FAM156A: variants seen among roughly 807,000 people sequenced by gnomAD.
FAM156A encodes protein FAM156A/FAM156B.
chrX:52,994,245 A>G (rs980785950), intron 1 of FAM156A, among the ~76,000 whole-genome samples: 1 of 109,615 alleles, frequency 9.1e-6, no homozygotes, highest in African/African-American at 3.3e-5. Context: ...CAGACCCCCA[A>G]ACAGAACAGA....
chrX:52,987,231 G>A (rs1346929093), intron 1 of FAM156A, among the ~76,000 whole-genome samples: 2 of 111,885 alleles, frequency 1.8e-5, no homozygotes, highest in African/African-American at 6.5e-5. Flanking sequence ...ATGGATTACA[G>A]ACTCATTATA....
At chrX:52,980,209 G>C (rs1487586770) in intron 1 of FAM156A, among the ~76,000 whole-genome samples, 12 of 112,095 alleles carry the variant, frequency 1.1e-4, no homozygotes, top group Admixed American at 8.5e-4. Flanking sequence ...CATCACTGCA[G>C]GGCATTCCAT....
intron 1 of FAM156A, among the ~76,000 whole-genome samples, chrX:52,980,455 G>C (rs868944517): frequency 1.8e-5 from 2 of 109,517 alleles, no homozygotes; most frequent in African/African-American, 6.5e-5. Flanking sequence ...CTTTGCAGGT[G>C]TATTTCCCTC....
intron 1 of FAM156A, among the ~76,000 whole-genome samples, chrX:52,993,898 C>T (rs1556796123): frequency 9.0e-6 from 1 of 111,299 alleles, no homozygotes; most frequent in South Asian, 3.8e-4. Flanking sequence ...GAGTGGGGCC[C>T]TTTACACACA....
At chrX:52,975,419 G>A (rs1303048399) in intron 1 of FAM156A, among the ~76,000 whole-genome samples, 2 of 111,739 alleles carry the variant, frequency 1.8e-5, no homozygotes, top group African/African-American at 6.5e-5. Context: ...AACGGAGCAC[G>A]CCATTGTCTT....
intron 1 of FAM156A, among the ~76,000 whole-genome samples, chrX:52,989,466 C>T (rs782669294): frequency 8.9e-6 from 1 of 112,096 alleles, no homozygotes; most frequent in Non-Finnish European, 1.9e-5. Context: ...ATGAGCATCC[C>T]CTGCATGTTG....
At chrX:52,980,988 A>G (rs1021728162) in intron 1 of FAM156A, among the ~76,000 whole-genome samples, 4 of 108,086 alleles carry the variant, frequency 3.7e-5, no homozygotes, top group African/African-American at 1.3e-4. Context: ...TTTTTTCTTC[A>G]TGGGGGGATC....
chrX:52,984,719 A>C (rs1490421542), intron 1 of FAM156A, among the ~76,000 whole-genome samples: 2 of 110,851 alleles, frequency 1.8e-5, no homozygotes, highest in African/African-American at 6.6e-5. Context: ...AAATACAAAA[A>C]TTAGCCAGGT....
At chrX:52,991,583 A>T (rs1930776306) in intron 1 of FAM156A, among the ~76,000 whole-genome samples, 1 of 111,596 alleles carries the variant, frequency 9.0e-6, no homozygotes, top group Non-Finnish European at 1.9e-5. Context: ...GTGATATAAA[A>T]GGCATCACTC....
At chrX:52,987,238 T>C (rs1347872610) in intron 1 of FAM156A, among the ~76,000 whole-genome samples, 1 of 111,989 alleles carries the variant, frequency 8.9e-6, no homozygotes, top group African/African-American at 3.2e-5. Context: ...ACAGACTCAT[T>C]ATAGGAATGA....
chrX:52,991,452 C>G (rs1475514740), intron 1 of FAM156A, among the ~76,000 whole-genome samples: 1 of 111,490 alleles, frequency 9.0e-6, no homozygotes, highest in Non-Finnish European at 1.9e-5. Context: ...CTTCCTCCAT[C>G]GGTTCACTGA....
intron 1 of FAM156A, among the ~76,000 whole-genome samples, chrX:52,985,920 A>T (rs782611741): frequency 1.0e-3 from 115 of 110,363 alleles, no homozygotes; most frequent in Admixed American, 4.0e-3. Flanking sequence ...TACTAAAAAA[A>T]AATAATAATA....
intron 1 of FAM156A, among the ~76,000 whole-genome samples, chrX:52,993,096 G>A (rs1556795932): frequency 9.0e-6 from 1 of 111,495 alleles, no homozygotes; most frequent in African/African-American, 3.3e-5. Context: ...CTCAGGTTGT[G>A]GGAGAAATAG....
At position 52,981,823 on chromosome X, in the gene FAM156A, GC is replaced by G. The variant is rs782209020; in HGVS notation, c.-434+13482del. ...GAAATTTAGGAAGGCTGAATGAGGA[GC>G]TTTTTTTTTTTTTCAGGAAAAGGGG... On this transcript the variant is annotated intron_variant, in intron 1 of 4. Coordinates refer to the FAM156A transcript ENST00000610625. Among the ~76,000 whole-genome samples, 7 of 109,349 alleles carry G rather than the reference GC, an allele frequency of 6.4e-5. No homozygotes were observed. In the East Asian group the frequency reaches 2.0e-3, roughly 32 times the overall value. 95.0% of individuals were successfully genotyped at this position (109,349 alleles called of 115,157 possible). A position where few individuals can be genotyped will look rare whatever the true frequency, so the allele number is the denominator to read the frequency against.
chrX:52,977,105 C>A (rs868993835), intron 1 of FAM156A, among the ~76,000 whole-genome samples: 1 of 97,630 alleles, frequency 1.0e-5, no homozygotes, highest in African/African-American at 3.7e-5. Context: ...CACACACACA[C>A]ATATATATAT....
At chrX:52,977,908 T>C (rs1469063502) in intron 1 of FAM156A, among the ~76,000 whole-genome samples, 1 of 112,348 alleles carries the variant, frequency 8.9e-6, no homozygotes, top group African/African-American at 3.2e-5. Flanking sequence ...ATAGAACTAA[T>C]AGCAATAGAA....
chrX:52,986,815 C>T (rs1453986983), intron 1 of FAM156A, among the ~76,000 whole-genome samples: 4 of 111,369 alleles, frequency 3.6e-5, no homozygotes, highest in African/African-American at 1.3e-4. Flanking sequence ...TCATTCTCAC[C>T]CCTGTTATTC....
intron 1 of FAM156A, among the ~76,000 whole-genome samples, chrX:52,993,732 G>A (rs1426174271): frequency 9.0e-6 from 1 of 111,367 alleles, no homozygotes; most frequent in African/African-American, 3.3e-5. Context: ...AACTTTCTAC[G>A]TAGCACTTAC....
chrX:52,978,722 G>C (rs1166097595), intron 1 of FAM156A, among the ~76,000 whole-genome samples: 1 of 112,307 alleles, frequency 8.9e-6, no homozygotes, highest in African/African-American at 3.2e-5. Context: ...GTATCATTTG[G>C]AGATGGTGCC....
Sources: gnomAD v4.1 joint callset for allele counts (sites outside exome capture counted in the v4.1 genomes callset) on GRCh38, gnomAD v4.1.1 for gene constraint, MANE v1.5 for transcripts, NCBI Gene and HGNC (gene_info 2026-07-23, HGNC 2026-07-21) for gene names.